Variants in CDC37 observed in about 807,000 individuals in gnomAD.
CDC37 encodes the protein cell division cycle 37, HSP90 cochaperone.
Under a neutral mutation model 46.9 loss-of-function variants are expected in CDC37, and 9 were observed. The observed-to-expected ratio is 0.19, with a 90% CI of 0.12 to 0.33. The LOEUF (loss-of-function observed/expected upper bound fraction) is 0.33, where lower values mean the gene tolerates loss of function less well. CDC37 is among the 10% of genes least tolerant of loss of function. The probability of loss-of-function intolerance (pLI) is 1.00; values close to 1 mark genes in which losing one functional copy is unlikely to be tolerated. For missense variants in CDC37, 388 were observed against 514.6 expected (o/e 0.75, Z 2.38); for synonymous variants, 193 against 191.0 (o/e 1.01, Z -0.09).
rs890552423 is a variant in CDC37, at chr19:10,400,035, G to A, written c.102+3343C>T. On this transcript the variant is annotated intron_variant, in intron 1 of 7. Transcript: ENST00000222005. ...GAGCCTGCCCACCACCCTGCAATCC[G>A]CTGCTGGGCTGCCACCAGTCTCCCC... 8.8e-5 allele frequency among the ~76,000 whole-genome samples: 13 copies of A among 147,808 alleles called. No individual in the cohort carries two copies. The East Asian group carries it at 1.0e-3, about 12-fold the overall frequency.
chr19:10,394,919 G>T, intron 5 of CDC37, 102 bp downstream of exon 5: 1 of 1,255,612 alleles, frequency 8.0e-7, no homozygotes, highest in Non-Finnish European at 1.1e-6. Context: ...GTGACTGGAG[G>T]GGCTTGAGTC....
At chr19:10,395,596 G>T in intron 2 of CDC37, 53 bp from the exon 3 acceptor site, 2 of 1,405,126 alleles carry the variant, frequency 1.4e-6, no homozygotes, top group South Asian at 2.3e-5. Flanking sequence ...GGAGCGCCTC[G>T]AGCGCGGCCG....
rs2042492832 is a variant in CDC37 at position 10,396,410 on chromosome 19, G to A, written c.103-207C>T. On this transcript the variant is annotated intron_variant, in intron 1 of 7. Transcript: ENST00000222005. This position sits in a 1 kb window ranked among gnomAD's most constrained non-coding sequence, Gnocchi z 5.9. ...CCCTCCGTCCTCTGCTCAGAACCCT[G>A]GCGGCTCCCATCTCACAGCAGAACC... Among the ~76,000 whole-genome samples, 1 of 152,160 alleles carries A rather than the reference G, an allele frequency of 6.6e-6. No homozygotes were observed. Among genetic ancestry groups the A allele is most frequent in the Non-Finnish European group, 1.5e-5 (1 of 68,038 alleles).
intron 7 of CDC37, among the ~76,000 whole-genome samples, chr19:10,391,949 C>T (rs2042459351): frequency 6.6e-6 from 1 of 152,170 alleles, no homozygotes; most frequent in African/African-American, 2.4e-5. Flanking sequence ...GGGTTACCGA[C>T]GCCTGTCACC....
chr19:10,393,028 C>T lies in CDC37; in HGVS notation c.981+58G>A. ...CAGCCGGCTTCAGAGACTTGGGACA[C>T]AGGGCTGGGGGAGACACACGGCCCG... On this transcript the variant is annotated intron_variant, in intron 7 of 7. Transcript: ENST00000222005. The surrounding 1 kb of genome is among the most constrained non-coding windows in gnomAD (Gnocchi z 4.9). The T allele has an allele frequency of 6.7e-7, 1 of 1,484,730 alleles. No individual in the cohort carries two copies. The allele number at this position is 1,484,730 out of a possible 1,614,324, so 92.0% of individuals were successfully genotyped here. A position where few individuals can be genotyped will look rare whatever the true frequency, so the allele number is the denominator to read the frequency against.
chr19:10,395,831 G>T, intron 2 of CDC37, 97 bp downstream of exon 2: 1 of 795,434 alleles, frequency 1.3e-6, no homozygotes, highest in Non-Finnish European at 1.9e-6. Context: ...CTACACCACC[G>T]GGGTCCTCCC....
Position 10,395,235 on chromosome 19 carries a change from A to C in CDC37, c.596T>G (p.Val199Gly). The C allele has an allele frequency of 6.2e-7, 1 of 1,613,516 alleles. No homozygotes were observed. The highest frequency in any genetic ancestry group is 8.5e-7 in the Non-Finnish European group (1 of 1,179,806). ...GGGGAAAGCTCCACTCACCTCCTCCACCTCTAGGTCAATGCACCAAATGAC... is the reference window on the plus strand; with the variant it reads ...GGGGAAAGCTCCACTCACCTCCTCCCCCTCTAGGTCAATGCACCAAATGAC... The part of the protein sequence containing the change: ...YLVIWCIDLE[V>G]EEKCALMEQV... The change falls in exon 4 of 8, where the codon GTG becomes GGG. Residue 199 changes from valine to glycine, a missense_variant. Around this residue, in one of 2 missense-constraint regions of CDC37, gnomAD observed 374 missense variants for 467.4 expected, o/e 0.80. Coordinates refer to ENST00000222005, the MANE Select transcript of CDC37 (RefSeq NM_007065.4).
In CDC37 at chr19:10,393,052, C is replaced by T. The variant is rs373619758; in HGVS notation, c.981+34G>A. On this transcript the variant is annotated intron_variant, in intron 7 of 7. Coordinates refer to ENST00000222005, the MANE Select transcript of CDC37 (RefSeq NM_007065.4). The surrounding 1 kb of genome is among the most constrained non-coding windows in gnomAD (Gnocchi z 4.9). ...ACAGGGCTGGGGGAGACACACGGCC[C>T]GCCGGGAAGGCATGGGGCGCGGGGG... is the stretch of plus-strand genomic sequence containing the variant. 8.1e-6 allele frequency: 13 copies of T among 1,597,092 alleles called. No individual in the cohort carries two copies. The highest frequency in any genetic ancestry group is 5.0e-5 in the Admixed American group (3 of 59,968).
chr19:10,395,904 G>GCCCCCCCCCC, intron 2 of CDC37, 24 bp downstream of exon 2: 5 of 1,541,892 alleles, frequency 3.2e-6, no homozygotes, highest in South Asian at 1.1e-5. Flanking sequence ...CATGCGCACT[G>GCCCCCCCCCC]CCCGCCCCGC....
At position 10,391,644 on chromosome 19, in the gene CDC37, G is replaced by T; in HGVS notation, c.1044C>A (p.Ala348=). Residue 348 remains alanine, a synonymous_variant, in exon 8 of 8, where the codon GCC becomes GCA. Coordinates refer to ENST00000222005, the MANE Select transcript of CDC37 (RefSeq NM_007065.4). ...CCTCCTCTCCCTCCTTGGCCTCGCT[G>T]GCCTTAGAGTTGGGGACCCAGAGGC... is the stretch of plus-strand genomic sequence containing the variant. ...DSGLWVPNSK[A]SEAKEGEEAG... is the part of the protein sequence containing the mutation. 6.2e-7 allele frequency: 1 copy of T among 1,614,150 alleles called. No homozygotes were observed.
At position 10,393,545 on chromosome 19, in the gene CDC37, C is replaced by T. The variant is rs2042470769; in HGVS notation, c.727-104G>A. 6 of 1,221,340 alleles carry T rather than the reference C, an allele frequency of 4.9e-6. No homozygotes were observed. In the Admixed American group the frequency reaches 1.2e-4, roughly 25 times the overall value. The allele number at this position is 1,221,340 out of a possible 1,614,324, so 75.7% of individuals were successfully genotyped here. On this transcript the variant is annotated intron_variant, in intron 5 of 7. Coordinates refer to ENST00000222005, the MANE Select transcript of CDC37 (RefSeq NM_007065.4). The surrounding 1 kb of genome is among the most constrained non-coding windows in gnomAD (Gnocchi z 4.9). ...AGCTCCTCAGAGGCGCCCCACGGTT[C>T]CCCAAGTCTATTCCTGACCTACATG... is the stretch of plus-strand genomic sequence containing the variant.
rs1229417668 is a variant in CDC37 at position 10,403,542 on chromosome 19, T to C, written c.-63A>G. 3 of 1,268,718 alleles carry C rather than the reference T, an allele frequency of 2.4e-6. No individual in the cohort carries two copies. The highest frequency in any genetic ancestry group is 3.4e-6 in the Non-Finnish European group (3 of 882,510). 78.6% of individuals were successfully genotyped at this position (1,268,718 alleles called of 1,614,324 possible). On this transcript the variant is annotated 5_prime_UTR_variant, in exon 1 of 8. Coordinates refer to ENST00000222005, the MANE Select transcript of CDC37 (RefSeq NM_007065.4). ...CGGCGACGGCGGCAGCAGTGGAGAC[T>C]AGGAGCGCGGAGCCCCGCCCCTTCC...
Position 10,393,103 on chromosome 19 carries a change from T to C in CDC37, c.964A>G (p.Ser322Gly). 1 of 1,614,026 alleles carries C rather than the reference T, an allele frequency of 6.2e-7. No individual in the cohort carries two copies. The highest frequency in any genetic ancestry group is 8.5e-7 in the Non-Finnish European group (1 of 1,179,940). ...KDVQMLQDAI[S>G]KMDPTDAKYH... is the part of the protein sequence containing the mutation. ...TTACTCACGGTGGGGTCCATCTTGC[T>C]GATGGCGTCCTGCAGCATCTGCACG... is the stretch of plus-strand genomic sequence containing the variant. The change falls in exon 7 of 8, where the codon AGC (serine) becomes GGC (glycine). Residue 322 changes from serine (S) to glycine (G), a missense_variant. This residue lies in a region of CDC37 where 374 missense variants were observed against 467.4 expected (regional missense o/e 0.80). Transcript: ENST00000222005. The surrounding 1 kb of genome is among the most constrained non-coding windows in gnomAD (Gnocchi z 4.9).
chr19:10,395,426 C>T lies in CDC37; in HGVS notation c.487+9G>A, dbSNP rs771663570. 3.7e-6 allele frequency: 6 copies of T among 1,611,684 alleles called. No homozygotes were observed. Among genetic ancestry groups the T allele is most frequent in the Admixed American group, 1.7e-5 (1 of 60,026 alleles). On this transcript the variant is annotated intron_variant, in intron 3 of 7. Coordinates refer to ENST00000222005, the MANE Select transcript of CDC37 (RefSeq NM_007065.4). ...ACCTTGCCCCCCATAACCCACAAGC[C>T]CCACTCACCAAAGTGCTTGATCTGT...
chr19:10,395,503 G>A lies in CDC37; in HGVS notation c.419C>T (p.Ser140Leu). Residue 140 changes from serine to leucine, a missense_variant, in exon 3 of 8, where the codon TCA becomes TTA. By Grantham distance (145) the Ser-to-Leu change is moderately radical (BLOSUM62 -2). Transcript: ENST00000222005. The stretch of plus-strand genomic sequence containing the variant: ...GTGTTTCTGCTCCCTCACCTCCTCT[G>A]AGTCCTCCTCCGTCTTCTCGGGCTT... ...NTKPEKTEED[S>L]EEVREQKHKT... 2 of 1,614,172 alleles carry A rather than the reference G, an allele frequency of 1.2e-6. No individual in the cohort carries two copies. Among genetic ancestry groups the A allele is most frequent in the Non-Finnish European group, 1.7e-6 (2 of 1,179,980 alleles).
Position 10,393,235 on chromosome 19 carries a change from C to T in CDC37, c.909+24G>A, listed in dbSNP as rs751016656. ...GGTCCCGCTCAGGGTCTTCCTGCTG[C>T]CCGCCTGGGCCGGGGAGCCCCACCT... On this transcript the variant is annotated intron_variant, in intron 6 of 7. Transcript: ENST00000222005. This position sits in a 1 kb window ranked among gnomAD's most constrained non-coding sequence, Gnocchi z 4.9. 19 of 1,612,576 alleles carry T rather than the reference C, an allele frequency of 1.2e-5. No individual in the cohort carries two copies. Among genetic ancestry groups the T allele is most frequent in the Non-Finnish European group, 1.6e-5 (19 of 1,179,278 alleles).
intron 4 of CDC37, 34 bp downstream of exon 4, chr19:10,395,194 G>T: frequency 6.2e-7 from 1 of 1,613,336 alleles, no homozygotes; most frequent in Non-Finnish European, 8.5e-7. Context: ...TCATGGCAGC[G>T]CCTTTTCACA....
intron 1 of CDC37, among the ~76,000 whole-genome samples, chr19:10,400,328 G>A (rs2042512285): frequency 6.6e-6 from 1 of 152,220 alleles, no homozygotes; most frequent in African/African-American, 2.4e-5. Context: ...CTCTGGGCAG[G>A]AGAGCCGGCG....
In CDC37 at chr19:10,395,209, CG is replaced by C. The variant is rs776688491; in HGVS notation, c.603+18del. 2.5e-5 allele frequency: 40 copies of C among 1,613,894 alleles called. No homozygotes were observed. Among genetic ancestry groups the C allele is most frequent in the Admixed American group, 3.3e-5 (2 of 59,978 alleles). ...TCATGGCAGCGCCTTTTCACAGTCC[CG>C]GGGAAAGCTCCACTCACCTCCTCCA... is the stretch of plus-strand genomic sequence containing the variant. On this transcript the variant is annotated intron_variant, in intron 4 of 7. Transcript: ENST00000222005.
Sources: allele counts gnomAD v4.1 joint callset (sites outside exome capture counted in the v4.1 genomes callset), GRCh38; gene constraint gnomAD v4.1.1; regional missense constraint gnomAD v4.1.1; non-coding constraint Gnocchi (gnomAD v3.1); transcripts MANE v1.5; gene names NCBI Gene and HGNC (gene_info 2026-07-23, HGNC 2026-07-21).